Variants in BTRC observed in about 807,000 individuals in gnomAD.
The protein encoded by BTRC is beta-transducin repeat containing E3 ubiquitin protein ligase.
BTRC carries 42 observed loss-of-function variants against 85.5 expected under a neutral mutation model. The observed-to-expected ratio is 0.49, with a 90% CI of 0.38 to 0.64. BTRC has a LOEUF of 0.64. Among genes scored for constraint, BTRC ranks in the 30% least tolerant of loss-of-function variants. BTRC has a pLI of 0.00. For missense variants in BTRC, 594 were observed against 743.5 expected (o/e 0.80, Z 2.34); for synonymous variants, 255 against 263.3 (o/e 0.97, Z 0.30).
chr10:101,450,020 G>A (rs1257063085), intron 2 of BTRC, among the ~76,000 whole-genome samples: 2 of 151,344 alleles, frequency 1.3e-5, no homozygotes, highest in African/African-American at 4.8e-5. Flanking sequence ...CTACTTGAAA[G>A]GGTAAGGTAG....
chr10:101,484,911 T>C (rs1945942075), intron 4 of BTRC, among the ~76,000 whole-genome samples: 1 of 152,228 alleles, frequency 6.6e-6, no homozygotes, highest in Non-Finnish European at 1.5e-5. Context: ...AAGTTCACTT[T>C]GCATTAATAA....
intron 1 of BTRC, among the ~76,000 whole-genome samples, chr10:101,415,508 T>TGAGAC (rs1564758206): frequency 4.4e-4 from 2 of 4,592 alleles, no homozygotes; most frequent in Middle Eastern, 0.25. Context: ...TATGTTATGT[T>TGAGAC]ATGTTATGTT....
chr10:101,484,435 T>TTG (rs1248665104), intron 4 of BTRC, among the ~76,000 whole-genome samples: 1 of 152,208 alleles, frequency 6.6e-6, no homozygotes, highest in Non-Finnish European at 1.5e-5. Context: ...CCATGAACAG[T>TTG]GCAACTGTTT....
intron 2 of BTRC, among the ~76,000 whole-genome samples, chr10:101,449,310 A>G (rs757202582): frequency 6.6e-6 from 1 of 152,072 alleles, no homozygotes; most frequent in Non-Finnish European, 1.5e-5. Context: ...CAAGGATGAC[A>G]GAAAAAAAAA....
At chr10:101,478,107 C>G (rs1945737384) in intron 3 of BTRC, among the ~76,000 whole-genome samples, 2 of 151,938 alleles carry the variant, frequency 1.3e-5, no homozygotes, top group African/African-American at 4.8e-5. Flanking sequence ...CAAGACCAGC[C>G]TGGCCAACAT....
At chr10:101,374,418 G>A (rs1942729517) in intron 1 of BTRC, among the ~76,000 whole-genome samples, 1 of 151,288 alleles carries the variant, frequency 6.6e-6, no homozygotes, top group East Asian at 1.9e-4. Context: ...TTAAGAAAAT[G>A]TGGCACATAT....
intron 2 of BTRC, among the ~76,000 whole-genome samples, chr10:101,444,207 G>C (rs1450148135): frequency 6.6e-6 from 1 of 152,108 alleles, no homozygotes; most frequent in Non-Finnish European, 1.5e-5. Flanking sequence ...CCTTCTAAGG[G>C]AACAGTGATG....
intron 1 of BTRC, among the ~76,000 whole-genome samples, chr10:101,413,943 T>C (rs1402037137): frequency 6.6e-6 from 1 of 152,206 alleles, no homozygotes; most frequent in Non-Finnish European, 1.5e-5. Flanking sequence ...TGATTACTTA[T>C]CACATTGGGG....
At chr10:101,383,207 G>A (rs1027229319) in intron 1 of BTRC, among the ~76,000 whole-genome samples, 3 of 151,706 alleles carry the variant, frequency 2.0e-5, no homozygotes, top group Non-Finnish European at 4.4e-5. Context: ...GGGACTACAG[G>A]CGTGCACCAC....
chr10:101,448,267 A>G (rs528909881), intron 2 of BTRC, among the ~76,000 whole-genome samples: 1 of 152,126 alleles, frequency 6.6e-6, no homozygotes, highest in Non-Finnish European at 1.5e-5. Context: ...GAGAAAAAAC[A>G]TCTTTTAAAA....
At position 101,555,937 on chromosome 10, in the gene BTRC, C is replaced by T. The variant is rs1352177161; in HGVS notation, c.*2814C>T. 2 of 152,346 alleles carry T rather than the reference C, an allele frequency of 1.3e-5. No homozygotes were observed. Among genetic ancestry groups the T allele is most frequent in the East Asian group, 3.9e-4 (2 of 5,186 alleles). 9.4% of individuals were successfully genotyped at this position (152,346 alleles called of 1,614,324 possible). On this transcript the variant is annotated 3_prime_UTR_variant, in exon 15 of 15. Coordinates refer to ENST00000370187, the MANE Select transcript of BTRC (RefSeq NM_033637.4). ...ACTGGAGCTACTTGGACAAGACCAG[C>T]ATGCCTTGCTGCACGTGTGTGTATT...
chr10:101,396,251 A>G (rs1943359624), intron 1 of BTRC, among the ~76,000 whole-genome samples: 1 of 151,116 alleles, frequency 6.6e-6, no homozygotes, highest in African/African-American at 2.4e-5. Context: ...ATATTTTAAA[A>G]TTTTTATACT....
At chr10:101,499,823 C>A (rs896352790) in intron 4 of BTRC, among the ~76,000 whole-genome samples, 31 of 151,646 alleles carry the variant, frequency 2.0e-4, no homozygotes, top group African/African-American at 7.5e-4. Flanking sequence ...AAACTTAATT[C>A]TTTCAAATGG....
intron 1 of BTRC, among the ~76,000 whole-genome samples, chr10:101,356,013 G>A (rs1942023525): frequency 6.6e-6 from 1 of 152,114 alleles, no homozygotes; most frequent in Non-Finnish European, 1.5e-5. Flanking sequence ...TACTTAGAGG[G>A]TTGACTCCTT....
At chr10:101,381,962 C>CTTTTTTTTTTTTTTTTTTTTTTTTTTTTT (rs71016314) in intron 1 of BTRC, among the ~76,000 whole-genome samples, 1 of 49,156 alleles carries the variant, frequency 2.0e-5, no homozygotes, top group Non-Finnish European at 3.2e-5. Flanking sequence ...CTAAGAATGT[C>CTTTTTTTTTTTTTTTTTTTTTTTTTTTTT]TTTTTTTTTT....
chr10:101,356,262 G>C (rs753437917), intron 1 of BTRC, among the ~76,000 whole-genome samples: 75 of 152,158 alleles, frequency 4.9e-4, no homozygotes, highest in Non-Finnish European at 9.8e-4. Context: ...GCCTCCCAAA[G>C]TGCTGGGATT....
intron 1 of BTRC, among the ~76,000 whole-genome samples, chr10:101,376,515 A>AT (rs568513416): frequency 2.1e-4 from 32 of 152,336 alleles, no homozygotes; most frequent in Non-Finnish European, 4.1e-4. Context: ...TAGAAGAGGT[A>AT]TATCTAGTGG....
At chr10:101,366,952 ATATATATT>A (rs1942448617) in intron 1 of BTRC, among the ~76,000 whole-genome samples, 4 of 55,436 alleles carry the variant, frequency 7.2e-5, no homozygotes, top group South Asian at 3.9e-4. Context: ...ATATATTTAT[ATATATATT>A]TATATAAATA....
intron 4 of BTRC, among the ~76,000 whole-genome samples, chr10:101,488,681 G>A (rs1268843436): frequency 1.3e-5 from 2 of 152,086 alleles, no homozygotes; most frequent in Non-Finnish European, 2.9e-5. Flanking sequence ...TACTGTAAAA[G>A]CAAGTAATAT....
Sources: allele counts gnomAD v4.1 joint callset (sites outside exome capture counted in the v4.1 genomes callset), GRCh38; gene constraint gnomAD v4.1.1; transcripts MANE v1.5; gene names NCBI Gene and HGNC (gene_info 2026-07-23, HGNC 2026-07-21).